The following STAC2 variants were observed in gnomAD, a reference collection of about 807,000 sequenced individuals.
STAC2 encodes SH3 and cysteine-rich domain-containing protein 2.
In STAC2, 36 loss-of-function variants were observed where a neutral mutation model predicts 49.0. The ratio of observed to expected loss-of-function variants is 0.74; its 90% CI spans 0.56 to 0.97. The LOEUF is 0.97. STAC2 is among the 50% of genes least tolerant of loss of function. STAC2 has a pLI of 0.00. For synonymous variants in STAC2, 239 were observed against 214.7 expected (o/e 1.11, Z -0.99); for missense variants, 527 against 543.8 (o/e 0.97, Z 0.31).
chr17:39,220,208 C>G (rs1269547843), intron 1 of STAC2, among the ~76,000 whole-genome samples: 1 of 152,156 alleles, frequency 6.6e-6, no homozygotes, highest in Admixed American at 6.5e-5. Flanking sequence ...AGGTAGAAGG[C>G]TGGAGAGACA....
At chr17:39,215,589 C>T (rs1207942220) in intron 4 of STAC2, among the ~76,000 whole-genome samples, 2 of 152,226 alleles carry the variant, frequency 1.3e-5, no homozygotes, top group East Asian at 3.8e-4. Context: ...CCACTCTAGC[C>T]CTGCCAGTCC....
In STAC2 at chr17:39,214,846, G is replaced by A. The variant is rs144843986; in HGVS notation, c.788C>T (p.Thr263Ile). 1.5e-5 allele frequency: 25 copies of A among 1,614,114 alleles called. No homozygotes were observed. The highest frequency in any genetic ancestry group is 1.6e-4 in the Middle Eastern group (1 of 6,062). Residue 263 changes from threonine (T) to isoleucine (I), a missense_variant, in exon 7 of 11, where the codon ACA becomes ATA. Transcript: ENST00000333461. ...GPGDSASPVF[T>I]APAESEGPGP... ...TGGCCCTTCACTCTCTGCTGGGGCT[G>A]TGAATACTGGAGATGCTAGGGGCAG...
At position 39,212,988 on chromosome 17, in the gene STAC2, C is replaced by G; in HGVS notation, c.1131+7G>C. 4 of 1,613,598 alleles carry G rather than the reference C, an allele frequency of 2.5e-6. No individual in the cohort carries two copies. The highest frequency in any genetic ancestry group is 3.4e-6 in the Non-Finnish European group (4 of 1,179,940). The stretch of plus-strand genomic sequence containing the variant: ...CATAGGGCCTGGGCTGGGCCTCAGG[C>G]ACTCACCTGGTTCTCCTTGAGGCTC... On this transcript the variant is annotated splice_region_variant and intron_variant, in intron 10 of 10. Transcript: ENST00000333461.
chr17:39,223,814 G>C (rs993627565), intron 1 of STAC2, among the ~76,000 whole-genome samples: 2 of 152,176 alleles, frequency 1.3e-5, no homozygotes, highest in African/African-American at 4.8e-5. Flanking sequence ...AGGGGCATTG[G>C]AACTCAGGGG....
intron 1 of STAC2, among the ~76,000 whole-genome samples, chr17:39,220,314 G>A (rs2046448910): frequency 6.6e-6 from 1 of 152,192 alleles, no homozygotes; most frequent in South Asian, 2.1e-4. Flanking sequence ...AGAGGCAGGT[G>A]AACCGTCCAC....
chr17:39,217,967 T>G lies in STAC2; in HGVS notation c.297A>C (p.Pro99=). 1.3e-6 allele frequency: 2 copies of G among 1,583,202 alleles called. No individual in the cohort carries two copies. The highest frequency in any genetic ancestry group is 1.7e-6 in the Non-Finnish European group (2 of 1,166,210). ...CTGGTTTGAGCGCTGCCAGGGGGCG[T>G]GGGACTGGGCATGGGGAGGGGGATG... ...ATPSPSPCPV[P]RPLAALKPVR... Residue 99 remains proline (P), a synonymous_variant, in exon 2 of 11, where the codon CCA becomes CCC. Coordinates refer to ENST00000333461, the MANE Select transcript of STAC2 (RefSeq NM_198993.5).
rs2046346450 is a variant in STAC2, at chr17:39,210,647, G to GA, written c.*1644_*1645insT. On this transcript the variant is annotated 3_prime_UTR_variant, in exon 11 of 11. Coordinates refer to ENST00000333461, the MANE Select transcript of STAC2 (RefSeq NM_198993.5). Reference sequence around the variant, plus strand: ...TTGGGCCCGCCCCTGGGATATTGCTGGGGGGGGGGGCCTCATGGCAGCAAA... The same window carrying GA: ...TTGGGCCCGCCCCTGGGATATTGCTGAGGGGGGGGGGCCTCATGGCAGCAAA... The GA allele has an allele frequency of 3.2e-5, 2 of 62,364 alleles. No individual in the cohort carries two copies. The highest frequency in any genetic ancestry group is 1.4e-4 in the Admixed American group (1 of 6,996). The allele number at this position is 62,364 out of a possible 1,614,324, so 3.9% of individuals were successfully genotyped here.
At chr17:39,218,307 C>T (rs756518484) in intron 1 of STAC2, 134 bp from the exon 2 acceptor site, 477 of 876,696 alleles carry the variant, frequency 5.4e-4, no homozygotes, top group Non-Finnish European at 7.3e-4. Context: ...AGGGCCAGAG[C>T]GAAATGAAAC....
chr17:39,222,931 C>A (rs2046476189), intron 1 of STAC2, among the ~76,000 whole-genome samples: 2 of 152,154 alleles, frequency 1.3e-5, no homozygotes, highest in Non-Finnish European at 2.9e-5. Context: ...TGACTCACAG[C>A]AGAGATGGCA....
rs901765971 is a variant in STAC2, at chr17:39,214,384, A to C, written c.844-54T>G. The C allele has an allele frequency of 3.7e-6, 6 of 1,608,198 alleles. No homozygotes were observed. The African/African-American group carries it at 8.0e-5, about 22-fold the overall frequency. The stretch of plus-strand genomic sequence containing the variant: ...GGAAAGCAGCACCCTCACTCCCCCC[A>C]CTCTCCACTCGCTCTGAGTGTGCTA... On this transcript the variant is annotated intron_variant, in intron 7 of 10. Coordinates refer to ENST00000333461, the MANE Select transcript of STAC2 (RefSeq NM_198993.5).
intron 1 of STAC2, among the ~76,000 whole-genome samples, chr17:39,219,364 C>A (rs962071352): frequency 1.3e-5 from 2 of 152,156 alleles, no homozygotes; most frequent in African/African-American, 4.8e-5. Context: ...CTTTATCCTG[C>A]CAATATGCTT....
chr17:39,216,313 CT>C (rs764029692), intron 4 of STAC2, among the ~76,000 whole-genome samples: 64 of 152,308 alleles, frequency 4.2e-4, no homozygotes, highest in Non-Finnish European at 7.3e-4. Flanking sequence ...TATTCCTTAT[CT>C]TCCCCACTTA....
Position 39,211,535 on chromosome 17 carries a change from C to G in STAC2, c.*757G>C, listed in dbSNP as rs1379236853. 1.3e-5 allele frequency: 2 copies of G among 152,410 alleles called. No homozygotes were observed. Among genetic ancestry groups the G allele is most frequent in the Non-Finnish European group, 2.9e-5 (2 of 68,080 alleles). 9.4% of individuals were successfully genotyped at this position (152,410 alleles called of 1,614,324 possible). ...TCCTGACCTCAGGTGATCTGCCCAC[C>G]TCAGCCTCCCAAAGTGCTGGGATTA... On this transcript the variant is annotated 3_prime_UTR_variant, in exon 11 of 11. Coordinates refer to ENST00000333461, the MANE Select transcript of STAC2 (RefSeq NM_198993.5).
At chr17:39,224,851 C>G (rs2046495814) in intron 1 of STAC2, among the ~76,000 whole-genome samples, 5 of 152,084 alleles carry the variant, frequency 3.3e-5, no homozygotes, top group Admixed American at 2.6e-4. Flanking sequence ...GCCTCGCGTC[C>G]CCGAGCCCAA....
In STAC2 at chr17:39,216,825, CTT is replaced by C. The variant is rs2046407228; in HGVS notation, c.569_570del (p.Lys190ArgfsTer37). The C allele has an allele frequency of 7.5e-6, 12 of 1,595,460 alleles. No individual in the cohort carries two copies. The highest frequency in any genetic ancestry group is 2.3e-5 in the East Asian group (1 of 44,268). Reference protein sequence around the residue: ...HEPPPVCATSKESPPTGDSGK... With the variant: ...HEPPPVCATSXESPPTGDSGK... ...GGGCACTCACCAGTGGGTGGGGACT[CTT>C]TGCTTGTGGCACAGACTGGTGGCGG... On this transcript the variant is annotated frameshift_variant, in exon 4 of 11. Transcript: ENST00000333461. LOFTEE classifies it high-confidence loss of function.
intron 10 of STAC2, 75 bp from the exon 11 acceptor site, chr17:39,212,471 AG>A: frequency 8.4e-7 from 1 of 1,186,394 alleles, no homozygotes; most frequent in South Asian, 1.3e-5. Context: ...CATGGCCCCC[AG>A]GGGACCCACC....
intron 1 of STAC2, among the ~76,000 whole-genome samples, chr17:39,221,582 G>T (rs1318929272): frequency 2.0e-5 from 3 of 152,202 alleles, no homozygotes; most frequent in African/African-American, 7.2e-5. Context: ...TTCAGATGAG[G>T]AACTGAGGCT....
chr17:39,223,185 A>G (rs1597738627), intron 1 of STAC2, among the ~76,000 whole-genome samples: 1 of 152,246 alleles, frequency 6.6e-6, no homozygotes, highest in South Asian at 2.1e-4. Flanking sequence ...CCTCTGTTGT[A>G]CCTGCCTCAC....
chr17:39,222,617 T>C (rs2046473209), intron 1 of STAC2, among the ~76,000 whole-genome samples: 1 of 152,166 alleles, frequency 6.6e-6, no homozygotes, highest in Non-Finnish European at 1.5e-5. Context: ...CTCCCCACTA[T>C]ACTTTTGGTG....
Sources: gnomAD v4.1 joint callset for allele counts (sites outside exome capture counted in the v4.1 genomes callset) on GRCh38, gnomAD v4.1.1 for gene constraint, MANE v1.5 for transcripts, NCBI Gene and HGNC (gene_info 2026-07-23, HGNC 2026-07-21) for gene names.